CLP1: variants seen among roughly 807,000 people sequenced by gnomAD.
The protein encoded by CLP1 is cleavage factor polyribonucleotide kinase subunit 1.
CLP1 carries 18 observed loss-of-function variants against 29.9 expected under a neutral mutation model. The ratio of observed to expected loss-of-function variants is 0.60; its 90% CI spans 0.42 to 0.89. The LOEUF is 0.89. CLP1 is among the 40% of genes least tolerant of loss of function. CLP1 has a pLI of 0.00. For synonymous variants in CLP1, 162 were observed against 206.2 expected (o/e 0.79, Z 1.84); for missense variants, 357 against 544.8 (o/e 0.66, Z 3.43).
At chr11:57,660,737 G>A in intron 2 of CLP1, 28 bp from the exon 3 acceptor site, 1 of 1,537,384 alleles carries the variant, frequency 6.5e-7, no homozygotes, top group Non-Finnish European at 8.8e-7. Flanking sequence ...GGGTGTTTTT[G>A]TTCTTACCTT....
chr11:57,660,689 T>C (rs1590847763), intron 2 of CLP1, 76 bp from the exon 3 acceptor site: 1 of 1,231,206 alleles, frequency 8.1e-7, no homozygotes, highest in East Asian at 2.3e-5. Flanking sequence ...CTAATAGCAC[T>C]TATTCTAAAG....
At position 57,659,826 on chromosome 11, in the gene CLP1, T is replaced by G; in HGVS notation, c.350T>G (p.Val117Gly). The G allele has an allele frequency of 6.2e-7, 1 of 1,614,138 alleles. No individual in the cohort carries two copies. Among genetic ancestry groups the G allele is most frequent in the Non-Finnish European group, 8.5e-7 (1 of 1,180,038 alleles). ...AEKEEERGPR[V>G]MVVGPTDVGK... Reference sequence around the variant, plus strand: ...AAGGAAGAAGAGCGAGGTCCCCGAGTGATGGTAGTGGGCCCCACTGATGTG... The same window carrying G: ...AAGGAAGAAGAGCGAGGTCCCCGAGGGATGGTAGTGGGCCCCACTGATGTG... Residue 117 changes from valine (V) to glycine (G), a missense_variant, in exon 2 of 3, where the codon GTG (valine) becomes GGG (glycine). Val to Gly is a moderately radical substitution (Grantham distance 109). Coordinates refer to ENST00000533682, the MANE Select transcript of CLP1 (RefSeq NM_006831.3).
chr11:57,659,346 C>T, intron 1 of CLP1, 109 bp from the exon 2 acceptor site: 1 of 1,069,810 alleles, frequency 9.3e-7, no homozygotes, highest in Non-Finnish European at 1.3e-6. Flanking sequence ...ACCTCGGCTT[C>T]CCAAAGTGCT....
chr11:57,658,482 C>T (rs1000383693), intron 1 of CLP1, among the ~76,000 whole-genome samples: 1 of 152,022 alleles, frequency 6.6e-6, no homozygotes. Flanking sequence ...AACAAAAATG[C>T]CTAAGTCTTA....
At chr11:57,658,512 CG>C (rs1945842776) in intron 1 of CLP1, among the ~76,000 whole-genome samples, 1 of 151,674 alleles carries the variant, frequency 6.6e-6, no homozygotes, top group Non-Finnish European at 1.5e-5. Flanking sequence ...GTGGAGGAGG[CG>C]GGGAAGACAC....
At chr11:57,658,227 C>T (rs11229087) in intron 1 of CLP1, among the ~76,000 whole-genome samples, 43,765 of 152,026 alleles carry the variant, frequency 0.29, 7,527 homozygotes, top group East Asian at 0.77. Context: ...AGTTCAGACC[C>T]GGTGTGCTCT....
In CLP1 at chr11:57,661,040, G is replaced by A. The variant is rs2135362427; in HGVS notation, c.882G>A (p.Arg294=). 1 of 1,614,254 alleles carries A rather than the reference G, an allele frequency of 6.2e-7. No individual in the cohort carries two copies. The highest frequency in any genetic ancestry group is 8.5e-7 in the Non-Finnish European group (1 of 1,180,052). The change falls in exon 3 of 3, where the codon CGG becomes CGA. Residue 294 remains arginine (R), a synonymous_variant. Coordinates refer to ENST00000533682, the MANE Select transcript of CLP1 (RefSeq NM_006831.3). The part of the protein sequence containing the change: ...GVVERSKDFR[R]ECRDERIREY... ...TGGAGCGCTCCAAGGACTTCCGGCG[G>A]GAATGTAGGGATGAGCGTATCCGTG...
At position 57,661,358 on chromosome 11, in the gene CLP1, T is replaced by C. The variant is rs367955593; in HGVS notation, c.1200T>C (p.Thr400=). The change falls in exon 3 of 3, where the codon ACT becomes ACC. Residue 400 remains threonine (T), a synonymous_variant. Coordinates refer to ENST00000533682, the MANE Select transcript of CLP1 (RefSeq NM_006831.3). The part of the protein sequence containing the change: ...TSVDLEHQVF[T]VLSPAPRPLP... ...TGGACCTGGAGCATCAGGTGTTTAC[T>C]GTTCTGTCTCCAGCCCCTCGCCCAC... 1.9e-6 allele frequency: 3 copies of C among 1,614,212 alleles called. No homozygotes were observed. The highest frequency in any genetic ancestry group is 2.7e-5 in the African/African-American group (2 of 75,054).
In CLP1 at chr11:57,659,023, ACT is replaced by A. The variant is rs549582673; in HGVS notation, c.-22-430_-22-429del. 2.9e-4 allele frequency among the ~76,000 whole-genome samples: 44 copies of A among 150,602 alleles called. 2 individuals are homozygous for A. The East Asian group carries it at 8.6e-3, about 29-fold the overall frequency. Reference sequence around the variant, plus strand: ...CTTCTGAGCTCAGGGGATCTGCCCAACTCAGCGCCCCAAAGTGCTGAAATTAC... The same window carrying A: ...CTTCTGAGCTCAGGGGATCTGCCCAACAGCGCCCCAAAGTGCTGAAATTAC... On this transcript the variant is annotated intron_variant, in intron 1 of 2. Coordinates refer to ENST00000533682, the MANE Select transcript of CLP1 (RefSeq NM_006831.3).
At position 57,661,772 on chromosome 11, in the gene CLP1, TTATC is replaced by T. The variant is rs1945879553; in HGVS notation, c.*339_*342del. On this transcript the variant is annotated 3_prime_UTR_variant, in exon 3 of 3. Coordinates refer to ENST00000533682, the MANE Select transcript of CLP1 (RefSeq NM_006831.3). ...TATTCCATATGTGGTTCTTACCCAT[TTATC>T]TAGGATGAAAGTGTGAATTAGAGGG... 3.9e-6 allele frequency: 1 copy of T among 256,214 alleles called. No individual in the cohort carries two copies. The highest frequency in any genetic ancestry group is 6.1e-5 in the East Asian group (1 of 16,396). 15.9% of individuals were successfully genotyped at this position (256,214 alleles called of 1,614,324 possible).
rs374267974 is a variant in CLP1, at chr11:57,659,469, C to G, written c.-8C>G. 3 of 1,613,918 alleles carry G rather than the reference C, an allele frequency of 1.9e-6. No individual in the cohort carries two copies. Among genetic ancestry groups the G allele is most frequent in the Non-Finnish European group, 8.5e-7 (1 of 1,179,918 alleles). On this transcript the variant is annotated 5_prime_UTR_variant, in exon 2 of 3. Coordinates refer to ENST00000533682, the MANE Select transcript of CLP1 (RefSeq NM_006831.3). The stretch of plus-strand genomic sequence containing the variant: ...TTGTGTTCTAGGCACAGCAGCTACA[C>G]AGAAGAGATGGGAGAAGAGGCTAAT...
chr11:57,660,893 A>G lies in CLP1; in HGVS notation c.735A>G (p.Ala245=), dbSNP rs141596718. 7 of 1,614,088 alleles carry G rather than the reference A, an allele frequency of 4.3e-6. No homozygotes were observed. The African/African-American group carries it at 5.3e-5, about 12-fold the overall frequency. Residue 245 remains alanine (A), a synonymous_variant, in exon 3 of 3, where the codon GCA becomes GCG. Transcript: ENST00000533682. Reference sequence around the variant, plus strand: ...CTGGTTACCAGGCTCTGGTGCATGCAGCCTCAGCTTTTGAGGTGGATGTCG... The same window carrying G: ...CTGGTTACCAGGCTCTGGTGCATGCGGCCTCAGCTTTTGAGGTGGATGTCG... ...KGSGYQALVH[A]ASAFEVDVVV...
In CLP1 at chr11:57,661,576, A is replaced by T; in HGVS notation, c.*140A>T. On this transcript the variant is annotated 3_prime_UTR_variant, in exon 3 of 3. Coordinates refer to ENST00000533682, the MANE Select transcript of CLP1 (RefSeq NM_006831.3). ...GTAGAAAGTTCATATTCTACCTCTA[A>T]AAACAGGTAGTGGTAACCTGACTCT... 1 of 672,812 alleles carries T rather than the reference A, an allele frequency of 1.5e-6. No individual in the cohort carries two copies. Among genetic ancestry groups the T allele is most frequent in the Non-Finnish European group, 2.5e-6 (1 of 401,072 alleles). The allele number at this position is 672,812 out of a possible 1,614,324, so 41.7% of individuals were successfully genotyped here.
At chr11:57,659,399 T>C in intron 1 of CLP1, 56 bp from the exon 2 acceptor site, 1 of 1,551,256 alleles carries the variant, frequency 6.4e-7, no homozygotes. Flanking sequence ...CCATTGGATG[T>C]TTTTGTAACA....
chr11:57,660,653 CAA>C, intron 2 of CLP1, 110 bp from the exon 3 acceptor site: 1 of 878,778 alleles, frequency 1.1e-6, no homozygotes, highest in Non-Finnish European at 1.7e-6. Context: ...GACTCCATTT[CAA>C]AAAAAAAATC....
At chr11:57,660,212 A>G in intron 2 of CLP1, 130 bp downstream of exon 2, 1 of 958,198 alleles carries the variant, frequency 1.0e-6, no homozygotes, top group Non-Finnish European at 1.5e-6. Context: ...AGGCAATTCC[A>G]AATATGTCAG....
Position 57,660,003 on chromosome 11 carries a change from A to C in CLP1, c.527A>C (p.Glu176Ala). The C allele has an allele frequency of 6.2e-7, 1 of 1,613,378 alleles. No homozygotes were observed. Among genetic ancestry groups the C allele is most frequent in the Non-Finnish European group, 8.5e-7 (1 of 1,179,664 alleles). Residue 176 changes from glutamate (E) to alanine (A), a missense_variant, in exon 2 of 3, where the codon GAG becomes GCG. Coordinates refer to ENST00000533682, the MANE Select transcript of CLP1 (RefSeq NM_006831.3). ...LYIERPADVE[E>A]GFSIQAPLVY... ...ATCGAGCGGCCTGCAGATGTCGAAG[A>C]GGGTTTCTCTATCCAGGCCCCTCTG...
intron 2 of CLP1, 129 bp downstream of exon 2, chr11:57,660,211 C>A: frequency 2.1e-6 from 2 of 952,128 alleles, no homozygotes; most frequent in Non-Finnish European, 3.0e-6. Flanking sequence ...AAGGCAATTC[C>A]AAATATGTCA....
In CLP1 at chr11:57,661,265, C is replaced by G; in HGVS notation, c.1107C>G (p.Ser369Arg). 6.2e-7 allele frequency: 1 copy of G among 1,614,210 alleles called. No individual in the cohort carries two copies. Residue 369 changes from serine to arginine, a missense_variant, in exon 3 of 3, where the codon AGC becomes AGG. Transcript: ENST00000533682. The stretch of plus-strand genomic sequence containing the variant: ...TGGTGCACCACCTACTGAGTGTTAG[C>G]ACTGCCGAGGGTACAGAGGAGAACC... ...RDMVHHLLSV[S>R]TAEGTEENLS...
Sources: gnomAD v4.1 joint callset for allele counts (sites outside exome capture counted in the v4.1 genomes callset) on GRCh38, gnomAD v4.1.1 for gene constraint, MANE v1.5 for transcripts, NCBI Gene and HGNC (gene_info 2026-07-23, HGNC 2026-07-21) for gene names.